POU2F1: variants seen among roughly 807,000 people sequenced by gnomAD.
POU2F1 encodes the protein POU domain, class 2, transcription factor 1.
Under a neutral mutation model 84.9 loss-of-function variants are expected in POU2F1, and 16 were observed. The observed-to-expected ratio is 0.19, with a 90% CI of 0.13 to 0.29. The LOEUF (loss-of-function observed/expected upper bound fraction) is 0.29. POU2F1 is among the 10% of genes least tolerant of loss of function. POU2F1 has a pLI of 1.00. For synonymous variants in POU2F1, 368 were observed against 368.3 expected (o/e 1.00, Z 0.01); for missense variants, 738 against 942.6 (o/e 0.78, Z 2.84).
intron 2 of POU2F1, among the ~76,000 whole-genome samples, chr1:167,359,728 C>A (rs1343197270): frequency 6.7e-6 from 1 of 150,036 alleles, no homozygotes; most frequent in South Asian, 2.1e-4. Context: ...AATGGTAATT[C>A]TGTTTTTAGT....
intron 2 of POU2F1, among the ~76,000 whole-genome samples, chr1:167,358,612 G>T (rs1303909774): frequency 2.7e-5 from 4 of 150,188 alleles, no homozygotes; most frequent in Admixed American, 2.7e-4. Flanking sequence ...TCTTGAGTCA[G>T]TCTTGATAAA....
intron 2 of POU2F1, among the ~76,000 whole-genome samples, chr1:167,363,593 TAAAG>T (rs997486627): frequency 1.3e-5 from 2 of 152,094 alleles, no homozygotes; most frequent in South Asian, 2.1e-4. Context: ...AAATAAAAAA[TAAAG>T]GAGGTGATTC....
intron 1 of POU2F1, among the ~76,000 whole-genome samples, chr1:167,308,797 G>A (rs1655261678): frequency 6.6e-6 from 1 of 152,158 alleles, no homozygotes; most frequent in Non-Finnish European, 1.5e-5. Context: ...GGGATTACAG[G>A]CATGAGCCAC....
chr1:167,365,370 T>C, intron 2 of POU2F1, 97 bp from the exon 3 acceptor site: 5 of 847,830 alleles, frequency 5.9e-6, no homozygotes, highest in Non-Finnish European at 7.1e-6. Context: ...AAAGTACTTA[T>C]GCAAAATAGG....
chr1:167,301,697 G>C (rs1654711755), intron 1 of POU2F1, among the ~76,000 whole-genome samples: 1 of 152,142 alleles, frequency 6.6e-6, no homozygotes, highest in Non-Finnish European at 1.5e-5. Flanking sequence ...TTGGAAGGGT[G>C]GGTAGGTTTT....
intron 11 of POU2F1, 140 bp from the exon 12 acceptor site, chr1:167,399,046 C>T: frequency 1.5e-6 from 1 of 660,032 alleles, no homozygotes. Context: ...TCTATCTACA[C>T]AATCTCTTTG....
chr1:167,391,909 G>T (rs1038129988), intron 9 of POU2F1, among the ~76,000 whole-genome samples: 1 of 152,064 alleles, frequency 6.6e-6, no homozygotes, highest in African/African-American at 2.4e-5. Context: ...AATCAATTGT[G>T]TTGGGGAATA....
At chr1:167,305,441 C>T (rs1448821751) in intron 1 of POU2F1, among the ~76,000 whole-genome samples, 1 of 152,194 alleles carries the variant, frequency 6.6e-6, no homozygotes, top group Non-Finnish European at 1.5e-5. Flanking sequence ...CTCAGGCAAT[C>T]TGCCCGCCTT....
At chr1:167,382,796 A>G (rs1461568388) in intron 7 of POU2F1, among the ~76,000 whole-genome samples, 1 of 152,174 alleles carries the variant, frequency 6.6e-6, no homozygotes, top group African/African-American at 2.4e-5. Flanking sequence ...TATTTAATAT[A>G]TTTATCTTAT....
At chr1:167,307,196 C>G (rs937556778) in intron 1 of POU2F1, among the ~76,000 whole-genome samples, 1 of 151,840 alleles carries the variant, frequency 6.6e-6, no homozygotes. Context: ...GTGATGACAC[C>G]AACTGTGTAA....
rs1000391195 is a variant in POU2F1 at position 167,419,214 on chromosome 1, T to C, written c.*3404T>C. On this transcript the variant is annotated 3_prime_UTR_variant, in exon 16 of 16. Transcript: ENST00000367866. ...TTTAGCCACCTTATATGGGAGAGCC[T>C]GGAAACTAAAGGGGACCAGGGACCA... 1.3e-5 allele frequency: 2 copies of C among 152,208 alleles called. No homozygotes were observed. Among genetic ancestry groups the C allele is most frequent in the Non-Finnish European group, 2.9e-5 (2 of 68,026 alleles). 9.4% of individuals were successfully genotyped at this position (152,208 alleles called of 1,614,324 possible).
chr1:167,356,250 G>A (rs1413103710), intron 2 of POU2F1, among the ~76,000 whole-genome samples: 2 of 143,576 alleles, frequency 1.4e-5, no homozygotes, highest in Non-Finnish European at 1.5e-5. Context: ...GGATCTGCCC[G>A]CCCTGGCTCA....
chr1:167,363,054 C>A (rs975337726), intron 2 of POU2F1, among the ~76,000 whole-genome samples: 1 of 152,156 alleles, frequency 6.6e-6, no homozygotes, highest in Non-Finnish European at 1.5e-5. Context: ...TCCTCCTCCC[C>A]CCCAAGGCAG....
chr1:167,370,171 C>G lies in POU2F1; in HGVS notation c.239C>G (p.Ala80Gly). 6.2e-7 allele frequency: 1 copy of G among 1,607,326 alleles called. No individual in the cohort carries two copies. The change falls in exon 4 of 16, where the codon GCT (alanine) becomes GGT (glycine). Residue 80 changes from alanine (A) to glycine (G), a missense_variant. This residue lies in a region of POU2F1 where 161 missense variants were observed against 147.0 expected (regional missense o/e 1.10). Coordinates refer to ENST00000367866, the MANE Select transcript of POU2F1 (RefSeq NM_002697.4). ...CCTGATTACTTATAGGTCCAACTCG[C>G]TGGAACAAGTTTACAGGCTGCTGCT... Reference protein sequence around the residue: ...FLGHLHQVQLAGTSLQAAAQS... With the variant: ...FLGHLHQVQLGGTSLQAAAQS...
chr1:167,343,848 C>T (rs1658026010), intron 2 of POU2F1, among the ~76,000 whole-genome samples: 1 of 151,440 alleles, frequency 6.6e-6, no homozygotes, highest in Non-Finnish European at 1.5e-5. Context: ...CTTGGGGTGC[C>T]TTGTGGTGCT....
At chr1:167,393,567 T>C (rs944216565) in intron 9 of POU2F1, among the ~76,000 whole-genome samples, 25 of 152,124 alleles carry the variant, frequency 1.6e-4, no homozygotes, top group Admixed American at 1.4e-3. Context: ...GGCACAATTA[T>C]AGCTCACTGC....
chr1:167,337,027 G>C (rs2101743195), intron 2 of POU2F1, among the ~76,000 whole-genome samples: 1 of 152,188 alleles, frequency 6.6e-6, no homozygotes, highest in African/African-American at 2.4e-5. Context: ...AATTAGCCGG[G>C]CATGGTATAG....
Position 167,399,355 on chromosome 1 carries a change from C to G in POU2F1, c.1439C>G (p.Pro480Arg). Reference protein sequence around the residue: ...SSPIKAIFPSPTSLVATTPSL... With the variant: ...SSPIKAIFPSRTSLVATTPSL... ...CCTATTAAAGCAATTTTCCCCAGCCCAACTTCACTGGTAAGAATAAAAAAT... is the reference window on the plus strand; with the variant it reads ...CCTATTAAAGCAATTTTCCCCAGCCGAACTTCACTGGTAAGAATAAAAAAT... Residue 480 changes from proline to arginine, a missense_variant, in exon 12 of 16, where the codon CCA (proline) becomes CGA (arginine). This residue lies in a region of POU2F1 where 319 missense variants were observed against 386.0 expected (regional missense o/e 0.83). Coordinates refer to ENST00000367866, the MANE Select transcript of POU2F1 (RefSeq NM_002697.4). 6.2e-7 allele frequency: 1 copy of G among 1,611,814 alleles called. No individual in the cohort carries two copies. Among genetic ancestry groups the G allele is most frequent in the Non-Finnish European group, 8.5e-7 (1 of 1,178,950 alleles).
intron 1 of POU2F1, among the ~76,000 whole-genome samples, chr1:167,280,008 C>G (rs1453376317): frequency 6.6e-6 from 1 of 151,958 alleles, no homozygotes; most frequent in East Asian, 1.9e-4. Flanking sequence ...GAGTTTGAGA[C>G]CAGCCTGACC....
Sources: allele counts gnomAD v4.1 joint callset (sites outside exome capture counted in the v4.1 genomes callset), GRCh38; gene constraint gnomAD v4.1.1; regional missense constraint gnomAD v4.1.1; transcripts MANE v1.5; gene names NCBI Gene and HGNC (gene_info 2026-07-23, HGNC 2026-07-21).